INTS4: variants seen among roughly 807,000 people sequenced by gnomAD.
INTS4 encodes the protein MSTP093.
A neutral mutation model predicts 119.5 loss-of-function variants in INTS4; 70 were observed. The observed-to-expected ratio is 0.59, with a 90% CI of 0.48 to 0.71. INTS4 has a LOEUF of 0.71. Ranked by LOEUF, INTS4 falls within the 30% of genes least tolerant of loss-of-function variation. INTS4 has a pLI of 0.00. For synonymous variants in INTS4, 316 were observed against 419.6 expected, an observed-to-expected ratio of 0.75 and a Z score of 3.02; for missense variants, 867 against 1,173.2, an observed-to-expected ratio of 0.74 and a Z score of 3.81.
intron 15 of INTS4, 61 bp from the exon 16 acceptor site, chr11:77,907,871 A>T (rs1391196394): frequency 4.7e-6 from 5 of 1,055,176 alleles, no homozygotes; most frequent in Non-Finnish European, 7.2e-6. Context: ...CAACATAAAG[A>T]TCATGTCAAA....
intron 15 of INTS4, chr11:77,918,079 C>T: frequency 1.6e-6 from 1 of 612,496 alleles, no homozygotes; most frequent in South Asian, 1.5e-5. Flanking sequence ...ACAGGGGGCA[C>T]AGTTAGATCT....
intron 4 of INTS4, among the ~76,000 whole-genome samples, chr11:77,973,951 T>A (rs1855838544): frequency 6.6e-6 from 1 of 152,198 alleles, no homozygotes; most frequent in South Asian, 2.1e-4. Flanking sequence ...TAGAATGAGT[T>A]TGGAAGTGTT....
rs761357478 is a variant in INTS4 at position 77,950,598 on chromosome 11, T to C, written c.918+5344A>G. On this transcript the variant is annotated intron_variant, in intron 8 of 22. Transcript: ENST00000534064. ...TGCAAGAGAGGCTGTTGAAAGTTCA[T>C]GACAAAGAAATGATAAATGTATGAG... Among the ~76,000 whole-genome samples the C allele has an allele frequency of 1.9e-4, 29 of 152,304 alleles. 1 individual carries two copies. In the South Asian group the frequency reaches 4.8e-3, roughly 25 times the overall value.
chr11:77,904,443 C>T (rs1952878282), intron 16 of INTS4, among the ~76,000 whole-genome samples: 1 of 152,156 alleles, frequency 6.6e-6, no homozygotes, highest in Admixed American at 6.5e-5. Context: ...AAGATATTAA[C>T]ATTTCACCAT....
chr11:77,990,215 C>CAAAA lies in INTS4; in HGVS notation c.246+889_246+892dup, dbSNP rs59474739. Among the ~76,000 whole-genome samples the CAAAA allele has an allele frequency of 7.8e-4, 75 of 96,166 alleles. 1 individual carries two copies. The highest frequency in any genetic ancestry group is 2.6e-3 in the African/African-American group (68 of 25,800). The allele number at this position is 96,166 out of a possible 152,430, so 63.1% of individuals were successfully genotyped here. On this transcript the variant is annotated intron_variant, in intron 2 of 22. Coordinates refer to ENST00000534064, the MANE Select transcript of INTS4 (RefSeq NM_033547.4). ...CCAGGCTGAGTGACAGACCAAGTCT[C>CAAAA]AAAAAAAAAAAAAAAAAAAATGCAA...
intron 10 of INTS4, among the ~76,000 whole-genome samples, chr11:77,935,517 G>A (rs1195908069): frequency 6.6e-6 from 1 of 152,146 alleles, no homozygotes; most frequent in East Asian, 1.9e-4. Flanking sequence ...GAGACCATCT[G>A]AGGCCTGGAA....
At position 77,879,027 on chromosome 11, in the gene INTS4, C is replaced by T. The variant is rs771692626; in HGVS notation, c.2814G>A (p.Val938=). 2 of 1,614,128 alleles carry T rather than the reference C, an allele frequency of 1.2e-6. No homozygotes were observed. Among genetic ancestry groups the T allele is most frequent in the Admixed American group, 1.7e-5 (1 of 60,020 alleles). ...WMEGGEMSPQ[V]ETSIEGTIPF... Reference sequence around the variant, plus strand: ...GAATGGTGCCCTCGATGCTGGTTTCCACCTGTGGTGACATCTCACCACCCT... The same window carrying T: ...GAATGGTGCCCTCGATGCTGGTTTCTACCTGTGGTGACATCTCACCACCCT... The change falls in exon 23 of 23, where the codon GTG becomes GTA. Residue 938 remains valine (V), a synonymous_variant. Transcript: ENST00000534064.
chr11:77,876,851 A>C, downstream of INTS4: 1 of 625,558 alleles, frequency 1.6e-6, no homozygotes, highest in South Asian at 1.8e-5. Flanking sequence ...AGGGGTACTT[A>C]TCTGAAAAAT....
intron 12 of INTS4, among the ~76,000 whole-genome samples, chr11:77,924,140 A>AT (rs1451658529): frequency 6.7e-6 from 1 of 148,900 alleles, no homozygotes; most frequent in African/African-American, 2.5e-5. Flanking sequence ...CATGCCTGTA[A>AT]TCCCAGCACT....
At chr11:77,972,880 T>C (rs1042077421) in intron 4 of INTS4, among the ~76,000 whole-genome samples, 5 of 151,738 alleles carry the variant, frequency 3.3e-5, no homozygotes, top group Admixed American at 3.3e-4. Context: ...CTGCCCAGGC[T>C]TAGTGGAGTG....
chr11:77,882,065 C>T (rs1219393178), intron 22 of INTS4, among the ~76,000 whole-genome samples: 1 of 152,064 alleles, frequency 6.6e-6, no homozygotes, highest in Non-Finnish European at 1.5e-5. Flanking sequence ...GCACATGCCA[C>T]CATGCCCAGT....
At chr11:77,934,690 G>C (rs537436620) in intron 10 of INTS4, among the ~76,000 whole-genome samples, 1 of 152,178 alleles carries the variant, frequency 6.6e-6, no homozygotes, top group South Asian at 2.1e-4. Context: ...AACAAAATAG[G>C]TTTCAGTTAC....
At chr11:77,931,730 A>G (rs539513541) in intron 10 of INTS4, among the ~76,000 whole-genome samples, 247 of 152,332 alleles carry the variant, frequency 1.6e-3, no homozygotes, top group African/African-American at 5.5e-3. Flanking sequence ...TAGTACTGGT[A>G]CCAAAACAGA....
chr11:77,878,094 T>A (rs139247032), downstream of INTS4, among the ~76,000 whole-genome samples: 1 of 152,160 alleles, frequency 6.6e-6, no homozygotes, highest in Non-Finnish European at 1.5e-5. Flanking sequence ...AAGGCGCGGT[T>A]GCTCACACTT....
Position 77,927,528 on chromosome 11 carries a change from G to T in INTS4, c.1371+814C>A, listed in dbSNP as rs191527820. ...CATTTATGAATACTCTGAAGAACTT[G>T]AGTAGTTGCAATTAAAATCCAGACA... On this transcript the variant is annotated intron_variant, in intron 11 of 22. Transcript: ENST00000534064. 5.9e-3 allele frequency among the ~76,000 whole-genome samples: 902 copies of T among 152,274 alleles called. 9 individuals are homozygous for T. Among genetic ancestry groups the T allele is most frequent in the African/African-American group, 0.021 (854 of 41,552 alleles).
At chr11:77,947,922 C>T (rs965987647) in intron 8 of INTS4, among the ~76,000 whole-genome samples, 9 of 152,176 alleles carry the variant, frequency 5.9e-5, no homozygotes, top group Non-Finnish European at 1.3e-4. Flanking sequence ...CGGCTCACTG[C>T]AGCCTCAATC....
intron 2 of INTS4, among the ~76,000 whole-genome samples, chr11:77,988,668 G>T (rs981439659): frequency 2.6e-5 from 4 of 152,156 alleles, no homozygotes; most frequent in African/African-American, 9.7e-5. Context: ...GCTGCAATAT[G>T]AAGTACAAGT....
chr11:77,900,835 T>G, intron 18 of INTS4: 1 of 566,988 alleles, frequency 1.8e-6, no homozygotes, highest in Non-Finnish European at 3.1e-6. Flanking sequence ...GAGCTCTTAT[T>G]ACGTATCAAG....
In INTS4 at chr11:77,989,105, GA is replaced by G. The variant is rs969190314; in HGVS notation, c.246+2002del. ...TCCCTCTACTTTCTCATAGCAGTGAGAAAAAAAAAGAAAACAACAAAAAGGT... is the reference window on the plus strand; with the variant it reads ...TCCCTCTACTTTCTCATAGCAGTGAGAAAAAAAAGAAAACAACAAAAAGGT... On this transcript the variant is annotated intron_variant, in intron 2 of 22. Coordinates refer to ENST00000534064, the MANE Select transcript of INTS4 (RefSeq NM_033547.4). Among the ~76,000 whole-genome samples, 879 of 149,988 alleles carry G rather than the reference GA, an allele frequency of 5.9e-3. 9 individuals carry two copies. Among genetic ancestry groups the G allele is most frequent in the African/African-American group, 0.02 (825 of 40,928 alleles).
Sources: allele counts gnomAD v4.1 joint callset (sites outside exome capture counted in the v4.1 genomes callset), GRCh38; gene constraint gnomAD v4.1.1; transcripts MANE v1.5; gene names NCBI Gene and HGNC (gene_info 2026-07-23, HGNC 2026-07-21).